Variants in AFF1 observed in about 807,000 individuals in gnomAD.
AFF1 encodes the protein AF4/FMR2 family member 1.
In AFF1, 48 loss-of-function variants were observed where a neutral mutation model predicts 121.7. That is an observed-to-expected ratio of 0.39 (90% CI 0.31 to 0.50). The LOEUF is 0.50. Ranked by LOEUF, AFF1 falls within the 20% of genes least tolerant of loss-of-function variation. The pLI, the probability that AFF1 is intolerant of heterozygous loss-of-function variation, is 0.76. For synonymous variants in AFF1, 613 were observed against 563.0 expected (o/e 1.09, Z -1.26); for missense variants, 1,523 against 1,511.7 (o/e 1.01, Z -0.12).
intron 16 of AFF1, among the ~76,000 whole-genome samples, chr4:87,129,951 C>T (rs1728659059): frequency 6.6e-6 from 1 of 151,568 alleles, no homozygotes; most frequent in African/African-American, 2.4e-5. Context: ...TACATCTTTA[C>T]TATTTTCTTT....
chr4:87,110,223 T>C (rs920123858), intron 11 of AFF1, among the ~76,000 whole-genome samples: 4 of 152,134 alleles, frequency 2.6e-5, no homozygotes, highest in Non-Finnish European at 1.5e-5. Context: ...TGTGGGTATG[T>C]AATAGTTGTA....
intron 2 of AFF1, among the ~76,000 whole-genome samples, chr4:86,978,477 C>T (rs1019685220): frequency 2.6e-5 from 4 of 151,928 alleles, no homozygotes; most frequent in East Asian, 3.9e-4. Flanking sequence ...CCACCATGCC[C>T]GGCCTACATT....
intron 2 of AFF1, among the ~76,000 whole-genome samples, chr4:86,956,640 C>T (rs1265385128): frequency 6.6e-6 from 1 of 152,108 alleles, no homozygotes; most frequent in African/African-American, 2.4e-5. Flanking sequence ...AATAATTTTG[C>T]CTATTCTGGA....
intron 5 of AFF1, among the ~76,000 whole-genome samples, chr4:87,084,519 A>T (rs1723502322): frequency 6.6e-6 from 1 of 151,604 alleles, no homozygotes; most frequent in African/African-American, 2.4e-5. Context: ...ACTGCACTCC[A>T]GCCTGGGCAA....
intron 2 of AFF1, among the ~76,000 whole-genome samples, chr4:87,002,403 A>C (rs1159575388): frequency 6.9e-6 from 1 of 144,474 alleles, no homozygotes; most frequent in East Asian, 2.0e-4. Flanking sequence ...GTCAACTCTT[A>C]AGTTGTTAAA....
At chr4:86,955,915 G>T (rs1009443982) in intron 2 of AFF1, among the ~76,000 whole-genome samples, 2 of 152,176 alleles carry the variant, frequency 1.3e-5, no homozygotes, top group Admixed American at 6.5e-5. Flanking sequence ...TAATTGAGAA[G>T]AATTCTCAAT....
chr4:87,075,462 A>G (rs1186013778), intron 4 of AFF1, among the ~76,000 whole-genome samples: 2 of 152,194 alleles, frequency 1.3e-5, no homozygotes, highest in Non-Finnish European at 1.5e-5. Context: ...GGGTGCCAGC[A>G]CATCTCTAAC....
At chr4:87,090,641 T>G (rs3775221) in intron 6 of AFF1, among the ~76,000 whole-genome samples, 49,193 of 152,072 alleles carry the variant, frequency 0.32, 8,525 homozygotes, top group South Asian at 0.47. Context: ...CAATCTGATA[T>G]GCATGTTCAT....
At chr4:86,949,183 T>A (rs35447501) in intron 2 of AFF1, among the ~76,000 whole-genome samples, 10,934 of 107,070 alleles carry the variant, frequency 0.1, 482 homozygotes, top group Non-Finnish European at 0.13. Flanking sequence ...TATATATATT[T>A]TTTTTTTTTG....
intron 2 of AFF1, among the ~76,000 whole-genome samples, chr4:86,978,775 A>G (rs1241548161): frequency 6.6e-6 from 1 of 152,126 alleles, no homozygotes; most frequent in Non-Finnish European, 1.5e-5. Context: ...GTTGCGTATT[A>G]TGTTTTACTG....
chr4:87,037,730 A>G (rs1413328401), intron 2 of AFF1, among the ~76,000 whole-genome samples: 1 of 152,164 alleles, frequency 6.6e-6, no homozygotes, highest in Non-Finnish European at 1.5e-5. Flanking sequence ...TCTCCTTAGA[A>G]TTGATGTGAC....
At chr4:86,955,184 AG>A (rs1464759733) in intron 2 of AFF1, among the ~76,000 whole-genome samples, 1 of 152,228 alleles carries the variant, frequency 6.6e-6, no homozygotes, top group African/African-American at 2.4e-5. Flanking sequence ...TGACAATAAA[AG>A]TGGAAAAACC....
chr4:87,042,266 G>A (rs752300528), intron 2 of AFF1, among the ~76,000 whole-genome samples: 1 of 152,164 alleles, frequency 6.6e-6, no homozygotes, highest in Non-Finnish European at 1.5e-5. Context: ...TTGCCTGGGA[G>A]CTTTTAACAG....
chr4:87,045,373 A>G (rs1374594240), intron 2 of AFF1, among the ~76,000 whole-genome samples: 1 of 151,224 alleles, frequency 6.6e-6, no homozygotes, highest in Non-Finnish European at 1.5e-5. Flanking sequence ...ACAATGAGGC[A>G]GGTCCACTTT....
chr4:87,055,794 A>AAG (rs1720065236), intron 4 of AFF1, among the ~76,000 whole-genome samples: 1 of 152,156 alleles, frequency 6.6e-6, no homozygotes, highest in African/African-American at 2.4e-5. Flanking sequence ...AGTTCCTCCT[A>AAG]AGAGAGGATC....
Position 86,948,485 on chromosome 4 carries a change from G to C in AFF1, c.-36-13G>C. 4.6e-6 allele frequency: 7 copies of C among 1,519,948 alleles called. No homozygotes were observed. The highest frequency in any genetic ancestry group is 5.3e-6 in the Non-Finnish European group (6 of 1,132,302). The allele number at this position is 1,519,948 out of a possible 1,614,324, so 94.2% of individuals were successfully genotyped here. ...GGCTAATGTTCACAGGCTACTCTTT[G>C]TTTCTCTTTCAGATGAACAGACTAG... On this transcript the variant is annotated splice_polypyrimidine_tract_variant and intron_variant, in intron 1 of 20. Coordinates refer to ENST00000395146, the MANE Select transcript of AFF1 (RefSeq NM_001166693.3).
At chr4:87,024,343 A>G (rs1728318433) in intron 2 of AFF1, among the ~76,000 whole-genome samples, 1 of 152,116 alleles carries the variant, frequency 6.6e-6, no homozygotes, top group Admixed American at 6.5e-5. Context: ...AGAGGATGAG[A>G]GTAGGGAAAC....
intron 8 of AFF1, among the ~76,000 whole-genome samples, chr4:87,098,963 G>C (rs1412938334): frequency 1.3e-5 from 2 of 152,206 alleles, no homozygotes; most frequent in African/African-American, 4.8e-5. Context: ...TTTTGGTAAA[G>C]AGCAAGGGAA....
chr4:86,939,836 G>A (rs1370591453), intron 1 of AFF1, among the ~76,000 whole-genome samples: 1 of 152,198 alleles, frequency 6.6e-6, no homozygotes, highest in African/African-American at 2.4e-5. Flanking sequence ...CTAGGGTAAT[G>A]CCCAAGAATT....
Sources: gnomAD v4.1 joint callset for allele counts (sites outside exome capture counted in the v4.1 genomes callset) on GRCh38, gnomAD v4.1.1 for gene constraint, MANE v1.5 for transcripts, NCBI Gene and HGNC (gene_info 2026-07-23, HGNC 2026-07-21) for gene names.